The following GPC6 variants were observed in gnomAD, a reference collection of about 807,000 sequenced individuals.
GPC6 encodes glypican 6.
GPC6 carries 14 observed loss-of-function variants against 55.2 expected under a neutral mutation model. The observed-to-expected ratio is 0.25, with a 90% CI of 0.17 to 0.40. The LOEUF (loss-of-function observed/expected upper bound fraction) is 0.40, where lower values mean the gene tolerates loss of function less well. Ranked by LOEUF, GPC6 falls within the 10% of genes least tolerant of loss-of-function variation. The probability of loss-of-function intolerance (pLI) is 1.00; values close to 1 mark genes in which losing one functional copy is unlikely to be tolerated. For synonymous variants in GPC6, 278 were observed against 259.6 expected, an observed-to-expected ratio of 1.07 and a Z score of -0.68; for missense variants, 641 against 708.5, an observed-to-expected ratio of 0.90 and a Z score of 1.08.
At chr13:94,171,448 G>A (rs1023788654) in intron 4 of GPC6, among the ~76,000 whole-genome samples, 4 of 152,210 alleles carry the variant, frequency 2.6e-5, no homozygotes, top group African/African-American at 9.7e-5. Flanking sequence ...CCTGGGAAGA[G>A]TAAGGGTGCA....
At chr13:93,529,819 CTG>C (rs1271723287) in intron 1 of GPC6, among the ~76,000 whole-genome samples, 1 of 152,090 alleles carries the variant, frequency 6.6e-6, no homozygotes, top group Admixed American at 6.6e-5. Flanking sequence ...CTGGCTGTCT[CTG>C]AGATTCTTAA....
chr13:93,711,729 C>G (rs1209382756), intron 2 of GPC6, among the ~76,000 whole-genome samples: 1 of 151,762 alleles, frequency 6.6e-6, no homozygotes, highest in Non-Finnish European at 1.5e-5. Context: ...TTTTCTGCCC[C>G]AGGGCATTTC....
At chr13:93,499,206 T>A (rs1353820536) in intron 1 of GPC6, among the ~76,000 whole-genome samples, 1 of 152,142 alleles carries the variant, frequency 6.6e-6, no homozygotes, top group Non-Finnish European at 1.5e-5. Context: ...TGACTATCCA[T>A]GTGGTTCTTA....
At chr13:93,268,923 G>C (rs574891999) in intron 1 of GPC6, among the ~76,000 whole-genome samples, 6 of 152,050 alleles carry the variant, frequency 3.9e-5, no homozygotes, top group Non-Finnish European at 7.4e-5. Context: ...CAAGCCTCCT[G>C]TTCTCTAGGA....
At chr13:93,616,965 A>C (rs1238984953) in intron 2 of GPC6, among the ~76,000 whole-genome samples, 1 of 152,112 alleles carries the variant, frequency 6.6e-6, no homozygotes, top group African/African-American at 2.4e-5. Flanking sequence ...TTTTCTCCTA[A>C]GATGGATTGA....
intron 2 of GPC6, among the ~76,000 whole-genome samples, chr13:93,610,304 C>T (rs1004519377): frequency 6.6e-5 from 10 of 152,290 alleles, no homozygotes; most frequent in African/African-American, 2.2e-4. Context: ...TGGTTCTGAT[C>T]AATGATATTT....
intron 1 of GPC6, among the ~76,000 whole-genome samples, chr13:93,426,277 G>A (rs941311892): frequency 6.6e-6 from 1 of 151,754 alleles, no homozygotes; most frequent in Non-Finnish European, 1.5e-5. Context: ...GGGTACATGT[G>A]CACAATGTGC....
intron 4 of GPC6, among the ~76,000 whole-genome samples, chr13:94,212,171 C>G (rs1018660147): frequency 2.0e-5 from 3 of 152,196 alleles, no homozygotes; most frequent in African/African-American, 7.2e-5. Flanking sequence ...TAGTCCCATA[C>G]TGAGATGTAC....
chr13:94,299,830 C>T (rs1219005646), intron 5 of GPC6, among the ~76,000 whole-genome samples: 2 of 152,094 alleles, frequency 1.3e-5, no homozygotes, highest in African/African-American at 4.8e-5. Context: ...ATAATGGCTG[C>T]ACCTGGACAA....
At chr13:94,055,213 G>C (rs1375235256) in intron 4 of GPC6, among the ~76,000 whole-genome samples, 3 of 152,212 alleles carry the variant, frequency 2.0e-5, no homozygotes, top group African/African-American at 7.2e-5. Flanking sequence ...CCTGGTGAAA[G>C]TGTGAGGGTC....
At position 93,677,407 on chromosome 13, in the gene GPC6, G is replaced by A. The variant is rs565742588; in HGVS notation, c.319+131986G>A. ...ATAATTGGATTACAAAGGCAAAACA[G>A]TGATTGGTAATATATAAGTGTTAAT... On this transcript the variant is annotated intron_variant, in intron 2 of 8. Transcript: ENST00000377047. Among the ~76,000 whole-genome samples the A allele has an allele frequency of 3.9e-5, 6 of 152,182 alleles. No individual in the cohort carries two copies. The South Asian group carries it at 1.2e-3, about 32-fold the overall frequency.
intron 4 of GPC6, among the ~76,000 whole-genome samples, chr13:94,044,278 C>G: frequency 6.6e-6 from 1 of 151,854 alleles, no homozygotes; most frequent in Non-Finnish European, 1.5e-5. Flanking sequence ...GGGTAGCATA[C>G]TGTAGATATT....
intron 2 of GPC6, among the ~76,000 whole-genome samples, chr13:93,779,498 C>T (rs1011983903): frequency 2.6e-5 from 4 of 152,068 alleles, no homozygotes; most frequent in African/African-American, 9.7e-5. Flanking sequence ...TTAGAGTATA[C>T]AGTGAAGTTA....
At chr13:93,519,928 G>T (rs1310993213) in intron 1 of GPC6, among the ~76,000 whole-genome samples, 1 of 151,940 alleles carries the variant, frequency 6.6e-6, no homozygotes, top group African/African-American at 2.4e-5. Context: ...GCTAAGAATT[G>T]TATTAAATTG....
At chr13:93,453,837 A>T (rs9516235) in intron 1 of GPC6, among the ~76,000 whole-genome samples, 4,540 of 152,076 alleles carry the variant, frequency 0.03, 116 homozygotes, top group Non-Finnish European at 0.042. Context: ...CAGTAGCAAG[A>T]TTTATTGCAA....
chr13:94,237,397 T>C (rs2139020867), intron 4 of GPC6, among the ~76,000 whole-genome samples: 1 of 152,224 alleles, frequency 6.6e-6, no homozygotes, highest in East Asian at 1.9e-4. Flanking sequence ...GCCTCCTTTA[T>C]GACAACTACA....
At chr13:93,445,805 A>G (rs956918524) in intron 1 of GPC6, among the ~76,000 whole-genome samples, 1 of 152,226 alleles carries the variant, frequency 6.6e-6, no homozygotes, top group Admixed American at 6.5e-5. Context: ...AAGACAGGCT[A>G]CAAATATATG....
At chr13:94,027,688 T>A (rs1426155488) in intron 3 of GPC6, 41 bp from the exon 4 acceptor site, 2 of 1,588,548 alleles carry the variant, frequency 1.3e-6, no homozygotes, top group Non-Finnish European at 1.7e-6. Flanking sequence ...TCTTTATCCT[T>A]CTTATTTTTG....
chr13:93,572,573 A>AT (rs1295628872), intron 2 of GPC6, among the ~76,000 whole-genome samples: 2 of 152,282 alleles, frequency 1.3e-5, no homozygotes, highest in Non-Finnish European at 1.5e-5. Context: ...TTTGACAAAC[A>AT]TTGCTATAGA....
Sources: allele counts gnomAD v4.1 joint callset (sites outside exome capture counted in the v4.1 genomes callset), GRCh38; gene constraint gnomAD v4.1.1; transcripts MANE v1.5; gene names NCBI Gene and HGNC (gene_info 2026-07-23, HGNC 2026-07-21).